SIGLEC1: variants seen among roughly 807,000 people sequenced by gnomAD.
SIGLEC1 encodes the protein sialoadhesin.
SIGLEC1 carries 132 observed loss-of-function variants against 148.0 expected under a neutral mutation model. That is an observed-to-expected ratio of 0.89 (90% CI 0.77 to 1.03). SIGLEC1 has a LOEUF of 1.03. SIGLEC1 is among the 50% of genes least tolerant of loss of function. SIGLEC1 has a pLI of 0.00. For synonymous variants in SIGLEC1, 945 were observed against 969.0 expected, an observed-to-expected ratio of 0.98 and a Z score of 0.46; for missense variants, 2,253 against 2,271.4, an observed-to-expected ratio of 0.99 and a Z score of 0.16.
rs1245099177 is a variant in SIGLEC1, at chr20:3,691,554, A to G, written c.4377T>C (p.Ala1459=). The change falls in exon 18 of 22, where the codon GCT becomes GCC. Residue 1459 remains alanine, a synonymous_variant. Transcript: ENST00000344754. ...AEPGLDVPEG[A]ALNLSCRLLG... ...GGAGGCGGCAGCTGAGGTTCAGGGC[A>G]GCGCCCTCAGGCACGTCCAGGCCAG... The G allele has an allele frequency of 1.2e-6, 2 of 1,613,084 alleles. No individual in the cohort carries two copies. Among genetic ancestry groups the G allele is most frequent in the African/African-American group, 1.3e-5 (1 of 75,078 alleles).
intron 8 of SIGLEC1, 88 bp from the exon 9 acceptor site, chr20:3,698,221 A>C: frequency 8.3e-7 from 1 of 1,202,120 alleles, no homozygotes; most frequent in Admixed American, 2.9e-5. Context: ...CACTGGACAA[A>C]GGCAGATCCC....
In SIGLEC1 at chr20:3,701,464, G is replaced by A; in HGVS notation, c.1406C>T (p.Ser469Phe). 1 of 1,614,122 alleles carries A rather than the reference G, an allele frequency of 6.2e-7. No individual in the cohort carries two copies. The highest frequency in any genetic ancestry group is 8.5e-7 in the Non-Finnish European group (1 of 1,180,020). The change falls in exon 7 of 22, where the codon TCT (serine) becomes TTT (phenylalanine). Residue 469 changes from serine to phenylalanine, a missense_variant. Transcript: ENST00000344754. Reference sequence around the variant, plus strand: ...CTCCAGGCGCAGGGAGTTGGGACCAGAGGTACCACTGAAGCGTGGGCTGTG... The same window carrying A: ...CTCCAGGCGCAGGGAGTTGGGACCAAAGGTACCACTGAAGCGTGGGCTGTG... ...SDHSPRFSGT[S>F]GPNSLRLEIR...
intron 13 of SIGLEC1, 67 bp downstream of exon 13, chr20:3,694,154 C>T (rs1217691149): frequency 4.0e-6 from 6 of 1,497,272 alleles, no homozygotes; most frequent in East Asian, 4.6e-5. Context: ...CCCTGTCCCA[C>T]CTCCTCTCCT....
Position 3,698,035 on chromosome 20 carries a change from C to A in SIGLEC1, c.1885G>T (p.Asp629Tyr), listed in dbSNP as rs781273172. ...AGCAGCTGCAGCCTGGCGGGGGGGT[C>A]GCTGTCCACACGGCACAAAAGGAGG... is the stretch of plus-strand genomic sequence containing the variant. ...RGLLLCRVDSDPPARLQLLHK... is the reference protein window; with the variant it reads ...RGLLLCRVDSYPPARLQLLHK... Residue 629 changes from aspartate (D) to tyrosine (Y), a missense_variant, in exon 9 of 22, where the codon GAC (aspartate) becomes TAC (tyrosine). Coordinates refer to ENST00000344754, the MANE Select transcript of SIGLEC1 (RefSeq NM_023068.4). 6.2e-7 allele frequency: 1 copy of A among 1,609,282 alleles called. No homozygotes were observed.
At position 3,703,135 on chromosome 20, in the gene SIGLEC1, G is replaced by A. The variant is rs2087864587; in HGVS notation, c.1228+62C>T. ...ATGCCCAGGACCCCAACCCTTCCTT[G>A]GGGCTCCACCATCTGGTCCTGCTCT... On this transcript the variant is annotated intron_variant, in intron 6 of 21. Transcript: ENST00000344754. The A allele has an allele frequency of 3.7e-6, 6 of 1,603,972 alleles. No individual in the cohort carries two copies. The South Asian group carries it at 5.5e-5, about 15-fold the overall frequency.
At position 3,694,638 on chromosome 20, in the gene SIGLEC1, A is replaced by C. The variant is rs781080800; in HGVS notation, c.2944+25T>G. ...TGGGGGACTGCATTCCTTCCCCCAC[A>C]CCTGGATGGGACAAAAGTCCTTACA... On this transcript the variant is annotated intron_variant, in intron 12 of 21. Coordinates refer to ENST00000344754, the MANE Select transcript of SIGLEC1 (RefSeq NM_023068.4). 2.5e-6 allele frequency: 4 copies of C among 1,598,086 alleles called. No homozygotes were observed. The African/African-American group carries it at 5.4e-5, about 21-fold the overall frequency.
chr20:3,704,055 G>A lies in SIGLEC1; in HGVS notation c.743C>T (p.Ser248Leu), dbSNP rs147007547. The change falls in exon 5 of 22, where the codon TCG becomes TTG. Residue 248 changes from serine (S) to leucine (L), a missense_variant. By Grantham distance (145) the Ser-to-Leu change is moderately radical. Coordinates refer to ENST00000344754, the MANE Select transcript of SIGLEC1 (RefSeq NM_023068.4). ...PKGVKILLSP[S>L]GRNILPGELV... ...CTCACCTGGAAGGATGTTCCTCCCC[G>A]AGGGGCTGAGGAGGATCTTCACACC... is the stretch of plus-strand genomic sequence containing the variant. 904 of 1,612,844 alleles carry A rather than the reference G, an allele frequency of 5.6e-4. 6 individuals carry two copies. In the African/African-American group the frequency reaches 0.01, roughly 18 times the overall value.
chr20:3,708,185 G>C (rs2087909126), intron 1 of SIGLEC1, among the ~76,000 whole-genome samples: 1 of 152,262 alleles, frequency 6.6e-6, no homozygotes, highest in East Asian at 1.9e-4. Context: ...TAGCATGAGA[G>C]CGCTGTGGAA....
rs73893083 is a variant in SIGLEC1, at chr20:3,706,141, T to C, written c.410-101A>G. ...AGGAGAGAGCCCTGGGGAGGGGGCT[T>C]TTAGGGGAAGGAAAGACGCTTTCTA... On this transcript the variant is annotated intron_variant, in intron 3 of 21. Coordinates refer to ENST00000344754, the MANE Select transcript of SIGLEC1 (RefSeq NM_023068.4). 3.9e-3 allele frequency: 5,298 copies of C among 1,365,976 alleles called. 150 individuals carry two copies. The African/African-American group carries it at 0.06, about 15-fold the overall frequency. 84.6% of individuals were successfully genotyped at this position (1,365,976 alleles called of 1,614,324 possible). A position where few individuals can be genotyped will look rare whatever the true frequency, so the allele number is the denominator to read the frequency against.
intron 6 of SIGLEC1, among the ~76,000 whole-genome samples, chr20:3,702,788 G>A (rs1028333902): frequency 2.0e-5 from 3 of 152,120 alleles, no homozygotes; most frequent in Admixed American, 1.3e-4. Context: ...AAGTGCACAT[G>A]TCCACATAGA....
intron 21 of SIGLEC1, 181 bp from the exon 22 acceptor site, chr20:3,688,800 G>A: frequency 1.7e-6 from 1 of 606,054 alleles, no homozygotes; most frequent in Non-Finnish European, 2.9e-6. Context: ...CAGGGGAGGA[G>A]AAACTGACTT....
chr20:3,703,736 GGCCCT>G, intron 5 of SIGLEC1, 84 bp downstream of exon 5: 4 of 1,529,612 alleles, frequency 2.6e-6, no homozygotes, highest in Non-Finnish European at 1.8e-6. Flanking sequence ...GCCAGTTGCT[GGCCCT>G]GCCCTGCCCT....
rs2088787646 is a variant in SIGLEC1 at position 3,693,510 on chromosome 20, A to G, written c.3445T>C (p.Cys1149Arg). 3.1e-6 allele frequency: 5 copies of G among 1,610,546 alleles called. No homozygotes were observed. The highest frequency in any genetic ancestry group is 4.2e-6 in the Non-Finnish European group (5 of 1,178,386). ...VTVRDATSYR[C>R]GVGPPGRAPR... ...GCCCGACCAGGGGGGCCCACACCGC[A>G]GCGGTAGGAGGTGGCATCCCTGACT... Residue 1149 changes from cysteine (C) to arginine (R), a missense_variant, in exon 14 of 22, where the codon TGC becomes CGC. Cys to Arg is a radical substitution (Grantham distance 180). Coordinates refer to ENST00000344754, the MANE Select transcript of SIGLEC1 (RefSeq NM_023068.4).
At chr20:3,697,680 C>T in intron 9 of SIGLEC1, 118 bp downstream of exon 9, 1 of 882,942 alleles carries the variant, frequency 1.1e-6, no homozygotes, top group Non-Finnish European at 1.7e-6. Flanking sequence ...TGGAGGAGGG[C>T]AGCGAAGGGC....
rs201714787 is a variant in SIGLEC1 at position 3,690,055 on chromosome 20, C to T, written c.4801G>A (p.Glu1601Lys). The part of the protein sequence containing the change: ...ASPNALRVDI[E>K]ALRPSDQGEY... Reference sequence around the variant, plus strand: ...CCTTGGTCGCTGGGCCTCAGCGCCTCGATGTCCACCCTCAGGGCATTGGGG... The same window carrying T: ...CCTTGGTCGCTGGGCCTCAGCGCCTTGATGTCCACCCTCAGGGCATTGGGG... Residue 1601 changes from glutamate to lysine, a missense_variant, in exon 19 of 22, where the codon GAG (glutamate) becomes AAG (lysine). By Grantham distance (56) the Glu-to-Lys change is moderately conservative. Coordinates refer to ENST00000344754, the MANE Select transcript of SIGLEC1 (RefSeq NM_023068.4). 8.7e-6 allele frequency: 14 copies of T among 1,612,098 alleles called. No individual in the cohort carries two copies. Among genetic ancestry groups the T allele is most frequent in the East Asian group, 2.2e-5 (1 of 44,824 alleles).
rs369196280 is a variant in SIGLEC1, at chr20:3,690,252, G to A, written c.4604C>T (p.Thr1535Met). The A allele has an allele frequency of 7.3e-4, 1,134 of 1,545,770 alleles. 16 individuals carry two copies. The South Asian group carries it at 0.012, about 16-fold the overall frequency. ...CTCCACGAAGACCATCATGGTGGGC[G>A]TCTTGGGAGGGTCTGTGGGGAGGAA... ...VMLRVLYPPK[T>M]PTMMVFVEPE... is the part of the protein sequence containing the mutation. Residue 1535 changes from threonine to methionine, a missense_variant, in exon 19 of 22, where the codon ACG becomes ATG. Physicochemically the swap from Thr to Met is moderately conservative, Grantham distance 81 (BLOSUM62 -1). Coordinates refer to ENST00000344754, the MANE Select transcript of SIGLEC1 (RefSeq NM_023068.4).
At position 3,693,095 on chromosome 20, in the gene SIGLEC1, TC is replaced by T. The variant is rs773040410; in HGVS notation, c.3544del (p.Glu1182ArgfsTer82). On this transcript the variant is annotated frameshift_variant, in exon 15 of 22. Transcript: ENST00000344754. LOFTEE classifies it high-confidence loss of function. ...PRNLRLTYLLESHGGQLALVL... is the reference protein window; with the variant it reads ...PRNLRLTYLLXSHGGQLALVL... ...CAGGGCCAGCTGCCCGCCATGGCTCTCCAGGAGGTAGGTCAGGCGCAGGTTG... is the reference window on the plus strand; with the variant it reads ...CAGGGCCAGCTGCCCGCCATGGCTCTCAGGAGGTAGGTCAGGCGCAGGTTG... 3.1e-6 allele frequency: 5 copies of T among 1,590,796 alleles called. No individual in the cohort carries two copies. The highest frequency in any genetic ancestry group is 4.3e-6 in the Non-Finnish European group (5 of 1,170,972).
At position 3,709,072 on chromosome 20, in the gene SIGLEC1, A is replaced by G. The variant is rs145622631; in HGVS notation, c.-109-1835T>C. ...AAAAAAAAAAAAAAAAAAAAAGGAT[A>G]TGAATCAAAGGACACTATCCAGAGA... On this transcript the variant is annotated intron_variant, in intron 1 of 21. Transcript: ENST00000344754. Among the ~76,000 whole-genome samples the G allele has an allele frequency of 4.2e-4, 63 of 148,288 alleles. 1 individual carries two copies. Among genetic ancestry groups the G allele is most frequent in the African/African-American group, 1.5e-3 (61 of 40,054 alleles).
At chr20:3,709,776 CATT>C (rs1193820687) in intron 1 of SIGLEC1, among the ~76,000 whole-genome samples, 4 of 152,206 alleles carry the variant, frequency 2.6e-5, no homozygotes, top group Admixed American at 6.5e-5. Context: ...ACCTTGAAAA[CATT>C]ATGCTCAGTG....
Sources: allele counts gnomAD v4.1 joint callset (sites outside exome capture counted in the v4.1 genomes callset), GRCh38; gene constraint gnomAD v4.1.1; transcripts MANE v1.5; gene names NCBI Gene and HGNC (gene_info 2026-07-23, HGNC 2026-07-21).